The following EPHA3 variants were observed in gnomAD, a reference collection of about 807,000 sequenced individuals.
The protein encoded by EPHA3 is EPH receptor A3.
A neutral mutation model predicts 107.1 loss-of-function variants in EPHA3; 42 were observed. The observed-to-expected ratio is 0.39, with a 90% confidence interval of 0.31 to 0.51. EPHA3 has a LOEUF of 0.51. Among genes scored for constraint, EPHA3 ranks in the 20% least tolerant of loss-of-function variants. The probability of loss-of-function intolerance (pLI) is 0.78; values close to 1 mark genes in which losing one functional copy is unlikely to be tolerated. For synonymous variants in EPHA3, 461 were observed against 424.8 expected (o/e 1.09, Z -1.05); for missense variants, 1,183 against 1,211.2 (o/e 0.98, Z 0.35).
At chr3:89,162,306 A>G (rs753558975) in intron 2 of EPHA3, among the ~76,000 whole-genome samples, 1 of 152,182 alleles carries the variant, frequency 6.6e-6, no homozygotes, top group Non-Finnish European at 1.5e-5. Context: ...CCATACTCCA[A>G]ATAAATTAGA....
chr3:89,247,286 T>C (rs917457166), intron 3 of EPHA3, among the ~76,000 whole-genome samples: 4 of 152,114 alleles, frequency 2.6e-5, no homozygotes, highest in Admixed American at 6.6e-5. Flanking sequence ...AAAAAGCAGA[T>C]AAACTTAAGG....
At chr3:89,231,258 C>A (rs936804934) in intron 3 of EPHA3, among the ~76,000 whole-genome samples, 18 of 151,932 alleles carry the variant, frequency 1.2e-4, no homozygotes, top group African/African-American at 4.1e-4. Flanking sequence ...ACATTAATGA[C>A]CCTATTAGAC....
chr3:89,379,040 G>C (rs1708453111), intron 5 of EPHA3, among the ~76,000 whole-genome samples: 1 of 151,858 alleles, frequency 6.6e-6, no homozygotes, highest in African/African-American at 2.4e-5. Context: ...AATTAATCCT[G>C]TGTGCTGGAA....
intron 2 of EPHA3, among the ~76,000 whole-genome samples, chr3:89,153,568 C>T (rs901068862): frequency 6.6e-6 from 1 of 152,004 alleles, no homozygotes; most frequent in African/African-American, 2.4e-5. Flanking sequence ...TCACATTTCA[C>T]TTGCAGTGGT....
intron 3 of EPHA3, among the ~76,000 whole-genome samples, chr3:89,259,947 G>A (rs1705376188): frequency 6.6e-6 from 1 of 152,102 alleles, no homozygotes; most frequent in Admixed American, 6.6e-5. Flanking sequence ...CTTATTTCAT[G>A]TAGCATAATG....
intron 11 of EPHA3, among the ~76,000 whole-genome samples, chr3:89,426,133 G>A (rs1309106379): frequency 2.6e-5 from 4 of 151,590 alleles, no homozygotes; most frequent in African/African-American, 9.7e-5. Flanking sequence ...TCTGAGAGCC[G>A]CAAATGATAC....
intron 3 of EPHA3, among the ~76,000 whole-genome samples, chr3:89,337,369 G>A (rs1350577487): frequency 2.6e-5 from 4 of 152,142 alleles, no homozygotes; most frequent in Non-Finnish European, 5.9e-5. Flanking sequence ...TGGGCATGCT[G>A]TCCTTTCCAT....
chr3:89,326,574 G>A (rs1373696698), intron 3 of EPHA3, among the ~76,000 whole-genome samples: 1 of 152,052 alleles, frequency 6.6e-6, no homozygotes, highest in Admixed American at 6.6e-5. Context: ...ATTTTTTGTA[G>A]AGATGGGGTT....
intron 2 of EPHA3, among the ~76,000 whole-genome samples, chr3:89,130,669 C>G (rs1704187269): frequency 6.8e-6 from 1 of 146,408 alleles, no homozygotes; most frequent in South Asian, 2.1e-4. Flanking sequence ...GAGTCTCGCT[C>G]TGTCACCCAG....
intron 1 of EPHA3, among the ~76,000 whole-genome samples, chr3:89,115,350 T>C (rs2106948065): frequency 6.6e-6 from 1 of 152,214 alleles, no homozygotes; most frequent in African/African-American, 2.4e-5. Context: ...CCCCTGTGCA[T>C]ATTCAAAAGT....
chr3:89,119,408 G>A (rs928668323), intron 1 of EPHA3, among the ~76,000 whole-genome samples: 1 of 152,102 alleles, frequency 6.6e-6, no homozygotes. Context: ...TGCGGAGTTT[G>A]ATGCTTTCCA....
At chr3:89,206,744 C>G (rs143688626) in intron 2 of EPHA3, among the ~76,000 whole-genome samples, 1 of 152,060 alleles carries the variant, frequency 6.6e-6, no homozygotes, top group South Asian at 2.1e-4. Flanking sequence ...AGAACTGAGA[C>G]GCTCAGTTGC....
At chr3:89,190,676 T>C (rs1705693098) in intron 2 of EPHA3, among the ~76,000 whole-genome samples, 1 of 152,152 alleles carries the variant, frequency 6.6e-6, no homozygotes, top group Admixed American at 6.5e-5. Flanking sequence ...CCCAAAATAA[T>C]ATATTCTGTG....
chr3:89,355,786 ACT>A (rs1707934370), intron 5 of EPHA3, among the ~76,000 whole-genome samples: 1 of 146,792 alleles, frequency 6.8e-6, no homozygotes, highest in Non-Finnish European at 1.5e-5. Flanking sequence ...GGAAATAGAA[ACT>A]CTTTTTTTTT....
chr3:89,454,189 C>T (rs1710053366), intron 15 of EPHA3, among the ~76,000 whole-genome samples: 1 of 152,042 alleles, frequency 6.6e-6, no homozygotes, highest in Admixed American at 6.6e-5. Flanking sequence ...TATTGCTTGT[C>T]AATATTACCC....
intron 2 of EPHA3, among the ~76,000 whole-genome samples, chr3:89,132,117 G>A (rs187337271): frequency 7.3e-4 from 111 of 152,286 alleles, no homozygotes; most frequent in South Asian, 4.1e-4. Context: ...TGGAGAGATA[G>A]GGAGAGACCC....
intron 3 of EPHA3, among the ~76,000 whole-genome samples, chr3:89,289,459 A>G (rs1175394516): frequency 6.6e-6 from 1 of 152,106 alleles, no homozygotes; most frequent in African/African-American, 2.4e-5. Context: ...ATATTAAAGT[A>G]ATTCATCCTG....
chr3:89,246,584 T>G (rs898034473), intron 3 of EPHA3, among the ~76,000 whole-genome samples: 12 of 152,130 alleles, frequency 7.9e-5, no homozygotes, highest in African/African-American at 2.9e-4. Context: ...ACAATGAAGT[T>G]GCCATCATTC....
In EPHA3 at chr3:89,319,918, G is replaced by A. The variant is rs1230592312; in HGVS notation, c.815-20998G>A. Among the ~76,000 whole-genome samples, 3 of 151,700 alleles carry A rather than the reference G, an allele frequency of 2.0e-5. No individual in the cohort carries two copies. In the South Asian group the frequency reaches 6.2e-4, roughly 31 times the overall value. On this transcript the variant is annotated intron_variant, in intron 3 of 16. Coordinates refer to ENST00000336596, the MANE Select transcript of EPHA3 (RefSeq NM_005233.6). ...GTGGGCTTGTTTTTAATAAGTAATG[G>A]TATATATTTTATATAATGCTATATA... is the stretch of plus-strand genomic sequence containing the variant.
Sources: gnomAD v4.1 joint callset for allele counts (sites outside exome capture counted in the v4.1 genomes callset) on GRCh38, gnomAD v4.1.1 for gene constraint, MANE v1.5 for transcripts, NCBI Gene and HGNC (gene_info 2026-07-23, HGNC 2026-07-21) for gene names.